The following B3GAT1 variants were observed in gnomAD, a reference collection of about 807,000 sequenced individuals.
The protein encoded by B3GAT1 is beta-1,3-glucuronyltransferase 1, also known as galactosylgalactosylxylosylprotein 3-beta-glucuronosyltransferase 1.
A neutral mutation model predicts 28.4 loss-of-function variants in B3GAT1; 11 were observed. The observed-to-expected ratio is 0.39, with a 90% CI of 0.24 to 0.64. The LOEUF is 0.64. Ranked by LOEUF, B3GAT1 falls within the 30% of genes least tolerant of loss-of-function variation. The pLI, the probability that B3GAT1 is intolerant of heterozygous loss-of-function variation, is 0.50. For missense variants in B3GAT1, 375 were observed against 491.0 expected, an observed-to-expected ratio of 0.76 and a Z score of 2.23; for synonymous variants, 255 against 223.1, an observed-to-expected ratio of 1.14 and a Z score of -1.27.
chr11:134,394,372 C>T (rs528751045), intron 1 of B3GAT1, among the ~76,000 whole-genome samples: 5 of 152,364 alleles, frequency 3.3e-5, no homozygotes, highest in Admixed American at 2.0e-4. Flanking sequence ...AAGGTCACTG[C>T]GTTAGGTGTC....
Position 134,384,192 on chromosome 11 carries a change from C to T in B3GAT1, c.113-4G>A, listed in dbSNP as rs778563792. 1.1e-4 allele frequency: 164 copies of T among 1,530,128 alleles called. No homozygotes were observed. Among genetic ancestry groups the T allele is most frequent in the Non-Finnish European group, 1.4e-4 (154 of 1,139,408 alleles). 94.8% of individuals were successfully genotyped at this position (1,530,128 alleles called of 1,614,324 possible). On this transcript the variant is annotated splice_region_variant and splice_polypyrimidine_tract_variant and intron_variant, in intron 2 of 5. Coordinates refer to ENST00000312527, the MANE Select transcript of B3GAT1 (RefSeq NM_054025.3). The stretch of plus-strand genomic sequence containing the variant: ...CGTCGGGGGTCACTGCCCTCATCTG[C>T]GGAGTCGGGAGACCGGCGATGTGGG...
intron 2 of B3GAT1, chr11:134,386,404 A>T (rs764794899): frequency 1.0e-5 from 1 of 96,070 alleles, no homozygotes; most frequent in Non-Finnish European, 2.0e-5. Context: ...TGTGCATGTA[A>T]GTGGGGGAGG....
intron 1 of B3GAT1, among the ~76,000 whole-genome samples, chr11:134,401,038 G>A (rs370915320): frequency 2.1e-4 from 32 of 152,274 alleles, no homozygotes; most frequent in African/African-American, 3.6e-4. Context: ...TCAAAGTCAC[G>A]AGACACCATC....
In B3GAT1 at chr11:134,380,600, C is replaced by T. The variant is rs893536380; in HGVS notation, c.*162G>A. Reference sequence around the variant, plus strand: ...GGATTTCTGTGCTTAAATTCTCTGTCCTTTGTTCTGGCATCAGGCTGGGCT... The same window carrying T: ...GGATTTCTGTGCTTAAATTCTCTGTTCTTTGTTCTGGCATCAGGCTGGGCT... On this transcript the variant is annotated 3_prime_UTR_variant, in exon 6 of 6. Coordinates refer to ENST00000312527, the MANE Select transcript of B3GAT1 (RefSeq NM_054025.3). 1 of 152,728 alleles carries T rather than the reference C, an allele frequency of 6.5e-6. No individual in the cohort carries two copies. The highest frequency in any genetic ancestry group is 1.5e-5 in the Non-Finnish European group (1 of 68,108). The allele number at this position is 152,728 out of a possible 1,614,324, so 9.5% of individuals were successfully genotyped here.
chr11:134,406,175 C>A (rs1203762084), intron 1 of B3GAT1, among the ~76,000 whole-genome samples: 1 of 152,242 alleles, frequency 6.6e-6, no homozygotes, highest in Non-Finnish European at 1.5e-5. Flanking sequence ...AGCCTCTGGG[C>A]TCTCGCCCTC....
chr11:134,388,114 T>C (rs1210516723), intron 1 of B3GAT1, 174 bp from the exon 2 acceptor site: 1 of 359,286 alleles, frequency 2.8e-6, no homozygotes, highest in East Asian at 7.4e-5. Flanking sequence ...GGCTCTGTCC[T>C]TCCCACAGGC....
intron 1 of B3GAT1, among the ~76,000 whole-genome samples, chr11:134,399,721 C>T (rs1178864989): frequency 6.6e-6 from 1 of 152,184 alleles, no homozygotes; most frequent in Non-Finnish European, 1.5e-5. Context: ...CCCAAGGTTG[C>T]ACTGCTTGGG....
In B3GAT1 at chr11:134,381,950, C is replaced by G; in HGVS notation, c.993G>C (p.Ser331=). The G allele has an allele frequency of 1.2e-6, 2 of 1,614,082 alleles. No homozygotes were observed. Among genetic ancestry groups the G allele is most frequent in the Non-Finnish European group, 1.7e-6 (2 of 1,180,028 alleles). The change falls in exon 5 of 6, where the codon TCG becomes TCC. Residue 331 remains serine, a synonymous_variant. Transcript: ENST00000312527. The stretch of plus-strand genomic sequence containing the variant: ...TGCATCCTGAGGCTCAGATCTCCAC[C>G]GAGGGGTCAGTGAAGCCCTTCTTGC... The part of the protein sequence containing the change: ...NEGKKGFTDP[S]VEI
At chr11:134,382,115 C>A (rs1944139405) in intron 4 of B3GAT1, 91 bp from the exon 5 acceptor site, 2 of 951,380 alleles carry the variant, frequency 2.1e-6, no homozygotes, top group Non-Finnish European at 3.3e-6. Context: ...GTAAACATTT[C>A]TCCTGCCCCT....
intron 5 of B3GAT1, among the ~76,000 whole-genome samples, chr11:134,381,183 C>T (rs1431936644): frequency 3.3e-5 from 5 of 152,240 alleles, no homozygotes; most frequent in African/African-American, 4.8e-5. Flanking sequence ...CCACCCAGCA[C>T]AATTCACTCG....
At chr11:134,391,476 G>A (rs781557684) in intron 1 of B3GAT1, 1 of 152,420 alleles carries the variant, frequency 6.6e-6, no homozygotes, top group African/African-American at 2.4e-5. Flanking sequence ...CTGGGGCTTG[G>A]AGGAGGGCGG....
intron 1 of B3GAT1, among the ~76,000 whole-genome samples, chr11:134,392,725 G>C (rs774598018): frequency 7.2e-5 from 11 of 152,044 alleles, no homozygotes; most frequent in Non-Finnish European, 1.3e-4. Flanking sequence ...AAGGACTAGG[G>C]GGTGTCTGGG....
chr11:134,387,663 C>T lies in B3GAT1; in HGVS notation c.-4G>A, dbSNP rs776546615. Reference sequence around the variant, plus strand: ...GGATGTCCCGTCTCTTCGGCATCTCCAAGGCTGGCTGCACCCACGGCTCCT... The same window carrying T: ...GGATGTCCCGTCTCTTCGGCATCTCTAAGGCTGGCTGCACCCACGGCTCCT... On this transcript the variant is annotated 5_prime_UTR_variant, in exon 2 of 6. An upstream open reading frame in the 5' UTR gains an earlier in-frame stop. Transcript: ENST00000312527. 8 of 1,614,086 alleles carry T rather than the reference C, an allele frequency of 5.0e-6. No homozygotes were observed. The highest frequency in any genetic ancestry group is 5.9e-6 in the Non-Finnish European group (7 of 1,180,004).
intron 1 of B3GAT1, among the ~76,000 whole-genome samples, chr11:134,397,875 C>T (rs149330488): frequency 2.8e-3 from 428 of 152,202 alleles, no homozygotes; most frequent in African/African-American, 9.7e-3. Flanking sequence ...TAGGGGGCCC[C>T]GCAGTGAGGA....
intron 2 of B3GAT1, chr11:134,385,580 C>CTA (rs1944260910): frequency 6.7e-6 from 1 of 150,116 alleles, no homozygotes; most frequent in Admixed American, 6.6e-5. Flanking sequence ...GGGTTCTGAC[C>CTA]TAGACAGAGG....
chr11:134,409,970 TCTCACA>T (rs1188900852), intron 1 of B3GAT1: 1 of 152,816 alleles, frequency 6.5e-6, no homozygotes, highest in African/African-American at 2.4e-5. Flanking sequence ...CTCTTCCCCA[TCTCACA>T]CTCCCAGCTC....
rs778192682 is a variant in B3GAT1, at chr11:134,387,844, C to A, written c.-185G>T. On this transcript the variant is annotated 5_prime_UTR_variant, in exon 2 of 6. Transcript: ENST00000312527. ...GGTCTTACCAGCACTCACAACCCAC[C>A]CATTGCGGAAGCAGGTTTGGAGAGT... The A allele has an allele frequency of 6.5e-7, 1 of 1,530,618 alleles. No homozygotes were observed. The highest frequency in any genetic ancestry group is 2.5e-5 in the East Asian group (1 of 40,648). The allele number at this position is 1,530,618 out of a possible 1,614,324, so 94.8% of individuals were successfully genotyped here.
At chr11:134,406,812 A>C (rs2136340210) in intron 1 of B3GAT1, among the ~76,000 whole-genome samples, 1 of 152,296 alleles carries the variant, frequency 6.6e-6, no homozygotes, top group South Asian at 2.1e-4. Context: ...AAGTGGCAGA[A>C]CTAGGACCTG....
Position 134,383,752 on chromosome 11 carries a change from G to T in B3GAT1, c.549C>A (p.Arg183=). The part of the protein sequence containing the change: ...ALRWLRETFP[R]NSSQPGVVYF... ...AGACCACGCCAGGCTGGCTGGAGTT[G>T]CGCGGGAAGGTCTCGCGCAGCCAGC... Residue 183 remains arginine (R), a synonymous_variant, in exon 3 of 6, where the codon CGC becomes CGA. Coordinates refer to ENST00000312527, the MANE Select transcript of B3GAT1 (RefSeq NM_054025.3). 1 of 1,596,026 alleles carries T rather than the reference G, an allele frequency of 6.3e-7. No individual in the cohort carries two copies. The highest frequency in any genetic ancestry group is 1.7e-5 in the Admixed American group (1 of 58,528).
Sources: gnomAD v4.1 joint callset for allele counts (sites outside exome capture counted in the v4.1 genomes callset) on GRCh38, gnomAD v4.1.1 for gene constraint, MANE v1.5 for transcripts, NCBI Gene and HGNC (gene_info 2026-07-23, HGNC 2026-07-21) for gene names.